The following DIP2C variants were observed in gnomAD, a reference collection of about 807,000 sequenced individuals.
DIP2C encodes disco-interacting protein 2 homolog C.
A neutral mutation model predicts 192.4 loss-of-function variants in DIP2C; 33 were observed. The ratio of observed to expected loss-of-function variants is 0.17; its 90% CI spans 0.13 to 0.23. The LOEUF (loss-of-function observed/expected upper bound fraction) is 0.23, where lower values mean the gene tolerates loss of function less well. Among genes scored for constraint, DIP2C ranks in the 10% least tolerant of loss-of-function variants. The probability of loss-of-function intolerance (pLI) is 1.00; values close to 1 mark genes in which losing one functional copy is unlikely to be tolerated. For missense variants in DIP2C, 1,537 were observed against 2,110.1 expected, an observed-to-expected ratio of 0.73 and a Z score of 5.32; for synonymous variants, 979 against 864.1, an observed-to-expected ratio of 1.13 and a Z score of -2.33.
intron 9 of DIP2C, among the ~76,000 whole-genome samples, chr10:406,361 A>G (rs1244098413): frequency 6.6e-6 from 1 of 152,204 alleles, no homozygotes; most frequent in Non-Finnish European, 1.5e-5. Context: ...CCCAAATGGA[A>G]ACTCTGTCCC....
intron 34 of DIP2C, 151 bp from the exon 35 acceptor site, chr10:283,597 G>T (rs1954950261): frequency 3.7e-6 from 4 of 1,077,290 alleles, no homozygotes; most frequent in Non-Finnish European, 3.9e-6. Context: ...ATCTCATTCG[G>T]GTTTCTCGAG....
At chr10:521,071 G>A (rs1188919242) in intron 1 of DIP2C, among the ~76,000 whole-genome samples, 1 of 152,084 alleles carries the variant, frequency 6.6e-6, no homozygotes, top group Non-Finnish European at 1.5e-5. Context: ...CTGGACTTTT[G>A]GATATTTCCA....
chr10:488,910 G>C (rs1372123424), intron 1 of DIP2C, among the ~76,000 whole-genome samples: 1 of 152,202 alleles, frequency 6.6e-6, no homozygotes, highest in African/African-American at 2.4e-5. Flanking sequence ...CACACACACA[G>C]ACGTCTGTGC....
intron 31 of DIP2C, 100 bp from the exon 32 acceptor site, chr10:310,192 A>G: frequency 8.4e-7 from 1 of 1,197,182 alleles, no homozygotes; most frequent in Admixed American, 2.0e-5. Flanking sequence ...AAAATCTTAA[A>G]GTGAAAAATA....
chr10:409,969 G>A (rs1371483082), intron 8 of DIP2C, among the ~76,000 whole-genome samples: 1 of 152,208 alleles, frequency 6.6e-6, no homozygotes, highest in Non-Finnish European at 1.5e-5. Context: ...TGATAATGCT[G>A]TAATAGTGTA....
intron 32 of DIP2C, among the ~76,000 whole-genome samples, chr10:294,468 G>A (rs1955649129): frequency 6.6e-6 from 1 of 152,084 alleles, no homozygotes; most frequent in Non-Finnish European, 1.5e-5. Context: ...TGAGCAAGGT[G>A]TGGTGGTGTG....
chr10:424,354 G>GTTTTTTT (rs1564695965), intron 4 of DIP2C, among the ~76,000 whole-genome samples: 5 of 121,028 alleles, frequency 4.1e-5, no homozygotes, highest in African/African-American at 6.8e-5. Context: ...TATCACCTTG[G>GTTTTTTT]GTTTTTTTTT....
At chr10:441,127 A>G (rs896634620) in intron 3 of DIP2C, 131 bp from the exon 4 acceptor site, 4 of 1,066,400 alleles carry the variant, frequency 3.8e-6, no homozygotes, top group Non-Finnish European at 3.8e-6. Context: ...TGGGCGAGGA[A>G]AGAAAATCAG....
intron 1 of DIP2C, among the ~76,000 whole-genome samples, chr10:653,278 G>A (rs917901961): frequency 8.5e-5 from 13 of 152,068 alleles, no homozygotes; most frequent in Admixed American, 1.3e-4. Context: ...GTGAGACCCC[G>A]TCTCTACTAA....
chr10:658,068 G>A (rs796823075), intron 1 of DIP2C, among the ~76,000 whole-genome samples: 65 of 144,866 alleles, frequency 4.5e-4, no homozygotes, highest in African/African-American at 1.5e-3. Context: ...TGGACCTGAC[G>A]CTGGACCTGA....
At chr10:317,420 G>A (rs1956820357) in intron 31 of DIP2C, among the ~76,000 whole-genome samples, 1 of 152,232 alleles carries the variant, frequency 6.6e-6, no homozygotes, top group Non-Finnish European at 1.5e-5. Context: ...CTGGCAGCCT[G>A]GACGCCATGC....
intron 1 of DIP2C, among the ~76,000 whole-genome samples, chr10:591,322 A>T (rs1186226379): frequency 6.6e-6 from 1 of 151,996 alleles, no homozygotes; most frequent in Non-Finnish European, 1.5e-5. Context: ...ACAGGGTTTC[A>T]CCATGTTGGC....
chr10:290,475 G>A (rs1265688504), intron 32 of DIP2C, among the ~76,000 whole-genome samples: 1 of 152,238 alleles, frequency 6.6e-6, no homozygotes, highest in Non-Finnish European at 1.5e-5. Context: ...CTCACAGCCA[G>A]AGGTGGCATG....
intron 1 of DIP2C, among the ~76,000 whole-genome samples, chr10:655,733 C>G (rs1314467518): frequency 2.6e-5 from 3 of 116,016 alleles, no homozygotes; most frequent in Admixed American, 8.9e-5. Flanking sequence ...CTATTCTAGA[C>G]TATGTAATAC....
At chr10:418,274 A>T (rs1442007330) in intron 6 of DIP2C, among the ~76,000 whole-genome samples, 2 of 132,972 alleles carry the variant, frequency 1.5e-5, no homozygotes, top group African/African-American at 5.7e-5. Flanking sequence ...CAGGCCTCAG[A>T]TAGGCATCCC....
chr10:680,477 C>T (rs1424371282), intron 1 of DIP2C, among the ~76,000 whole-genome samples: 1 of 152,166 alleles, frequency 6.6e-6, no homozygotes, highest in Non-Finnish European at 1.5e-5. Flanking sequence ...CACAGCTAAC[C>T]GTGTGGATCT....
chr10:559,358 A>G (rs571891302), intron 1 of DIP2C, among the ~76,000 whole-genome samples: 1 of 138,826 alleles, frequency 7.2e-6, no homozygotes. Flanking sequence ...GAAGCCCCAC[A>G]CAAGCTCGGT....
rs866353863 is a variant in DIP2C at position 689,367 on chromosome 10, G to C, written c.85+127C>G. On this transcript the variant is annotated intron_variant, in intron 1 of 36. Coordinates refer to ENST00000280886, the MANE Select transcript of DIP2C (RefSeq NM_014974.3). The surrounding 1 kb of genome is among the most constrained non-coding windows in gnomAD (Gnocchi z 6.1). ...GGGGTCCGGGGGACGCGCACGCTCC[G>C]GGCTGGGGTCGCACCTCCCCCTCCG... 3.3e-5 allele frequency: 14 copies of C among 423,488 alleles called. No individual in the cohort carries two copies. In the South Asian group the frequency reaches 3.8e-4, roughly 12 times the overall value. The allele number at this position is 423,488 out of a possible 1,614,324, so 26.2% of individuals were successfully genotyped here.
rs538235459 is a variant in DIP2C, at chr10:678,466, C to T, written c.85+11028G>A. On this transcript the variant is annotated intron_variant, in intron 1 of 36. Coordinates refer to ENST00000280886, the MANE Select transcript of DIP2C (RefSeq NM_014974.3). ...TGTCAGAGCAGAGGAAGCACACACG[C>T]ACTCTCCATACCCTGTGCTCCCAGC... Among the ~76,000 whole-genome samples, 37 of 152,202 alleles carry T rather than the reference C, an allele frequency of 2.4e-4. No individual in the cohort carries two copies. The South Asian group carries it at 3.3e-3, about 14-fold the overall frequency.
Sources: allele counts gnomAD v4.1 joint callset (sites outside exome capture counted in the v4.1 genomes callset), GRCh38; gene constraint gnomAD v4.1.1; non-coding constraint Gnocchi (gnomAD v3.1); transcripts MANE v1.5; gene names NCBI Gene and HGNC (gene_info 2026-07-23, HGNC 2026-07-21).